RNF128: variants seen among roughly 807,000 people sequenced by gnomAD.
RNF128 encodes ring finger protein 128.
In RNF128, 13 loss-of-function variants were observed where a neutral mutation model predicts 26.2. The ratio of observed to expected loss-of-function variants is 0.50; its 90% CI spans 0.32 to 0.79. The LOEUF is 0.79. Ranked by LOEUF, RNF128 falls within the 30% of genes least tolerant of loss-of-function variation. RNF128 has a pLI of 0.03. For missense variants in RNF128, 315 were observed against 349.7 expected, an observed-to-expected ratio of 0.90 and a Z score of 0.79; for synonymous variants, 149 against 142.5, an observed-to-expected ratio of 1.05 and a Z score of -0.32.
chrX:106,718,097 T>C (rs1929248621), intron 1 of RNF128, among the ~76,000 whole-genome samples: 2 of 111,942 alleles, frequency 1.8e-5, no homozygotes, highest in South Asian at 3.7e-4. Flanking sequence ...TTTTATTCTG[T>C]TTTAAATCTA....
intron 4 of RNF128, among the ~76,000 whole-genome samples, chrX:106,788,325 T>TA: frequency 1.7e-5 from 1 of 57,954 alleles, no homozygotes; most frequent in African/African-American, 6.9e-5. Flanking sequence ...TGTATTAATA[T>TA]TATATATACT....
At position 106,715,452 on chromosome X, in the gene RNF128, G is replaced by A. The variant is rs138757839; in HGVS notation, c.406+21044G>A. Reference sequence around the variant, plus strand: ...ATTCAAATAATCAGTGGATAATATGGTTTTACAAAAGAAAGAAATGCTGTT... The same window carrying A: ...ATTCAAATAATCAGTGGATAATATGATTTTACAAAAGAAAGAAATGCTGTT... On this transcript the variant is annotated intron_variant, in intron 1 of 6. Coordinates refer to the RNF128 transcript ENST00000324342. Among the ~76,000 whole-genome samples the A allele has an allele frequency of 4.0e-3, 446 of 112,017 alleles. 4 individuals are homozygous for A. Among genetic ancestry groups the A allele is most frequent in the Middle Eastern group, 0.023 (5 of 218 alleles).
At chrX:106,703,203 A>G (rs1469341342) in intron 1 of RNF128, among the ~76,000 whole-genome samples, 1 of 111,828 alleles carries the variant, frequency 8.9e-6, no homozygotes, top group Admixed American at 9.5e-5. Flanking sequence ...TTATATTTTA[A>G]ATGACTGTCT....
At chrX:106,758,652 C>T (rs1217397579) in intron 1 of RNF128, among the ~76,000 whole-genome samples, 1 of 111,347 alleles carries the variant, frequency 9.0e-6, no homozygotes, top group Admixed American at 9.6e-5. Flanking sequence ...AGCTTATTTT[C>T]AACAAAGTGC....
intron 1 of RNF128, among the ~76,000 whole-genome samples, chrX:106,734,903 C>T (rs1929566317): frequency 8.9e-6 from 1 of 112,010 alleles, no homozygotes; most frequent in Admixed American, 9.4e-5. Context: ...TGATCCTCAG[C>T]TACATACCGT....
chrX:106,769,785 T>C (rs1930336487), intron 1 of RNF128, among the ~76,000 whole-genome samples: 1 of 110,817 alleles, frequency 9.0e-6, no homozygotes, highest in East Asian at 2.8e-4. Flanking sequence ...AATTTGATCC[T>C]GTCATTATGA....
intron 5 of RNF128, 26 bp downstream of exon 5, chrX:106,790,308 G>A: frequency 1.0e-6 from 1 of 1,000,198 alleles, no homozygotes; most frequent in Non-Finnish European, 1.4e-6. Flanking sequence ...TTATTTATAT[G>A]AAGAATATAT....
exon 1 of RNF128, chrX:106,694,019 G>A (rs771489954): frequency 8.4e-7 from 1 of 1,197,173 alleles, no homozygotes; most frequent in East Asian, 3.0e-5. Flanking sequence ...CAGGAGAATA[G>A]GTCCAGTTTT....
intron 4 of RNF128, among the ~76,000 whole-genome samples, chrX:106,789,211 C>T (rs1428547548): frequency 1.1e-5 from 1 of 91,771 alleles, no homozygotes; most frequent in Non-Finnish European, 2.1e-5. Flanking sequence ...ATATATAATA[C>T]ATATATATAA....
intron 1 of RNF128, among the ~76,000 whole-genome samples, chrX:106,767,638 T>C (rs940766290): frequency 8.9e-6 from 1 of 111,762 alleles, no homozygotes; most frequent in Non-Finnish European, 1.9e-5. Flanking sequence ...GTTTTCTAGA[T>C]ATATAATCAT....
chrX:106,707,637 A>G (rs1237401571), intron 1 of RNF128, among the ~76,000 whole-genome samples: 4 of 110,613 alleles, frequency 3.6e-5, no homozygotes. Context: ...GGGGCCAGTC[A>G]CCTGTGTGAT....
At chrX:106,781,443 G>A (rs1237266387) in intron 2 of RNF128, among the ~76,000 whole-genome samples, 3 of 111,445 alleles carry the variant, frequency 2.7e-5, no homozygotes, top group Non-Finnish European at 5.7e-5. Flanking sequence ...GTTCAAACAC[G>A]TGTTGAATAT....
intron 1 of RNF128, among the ~76,000 whole-genome samples, chrX:106,717,781 T>C (rs1929243663): frequency 8.9e-6 from 1 of 112,352 alleles, no homozygotes; most frequent in East Asian, 2.8e-4. Context: ...ATACTTAATG[T>C]AAAGATTAAG....
intron 2 of RNF128, among the ~76,000 whole-genome samples, chrX:106,779,253 T>G (rs1930522111): frequency 9.0e-6 from 1 of 110,887 alleles, no homozygotes; most frequent in Non-Finnish European, 1.9e-5. Context: ...CAAATAAAAT[T>G]TGTATATATT....
intron 1 of RNF128, among the ~76,000 whole-genome samples, chrX:106,707,929 C>T (rs754513784): frequency 9.0e-6 from 1 of 111,474 alleles, no homozygotes. Flanking sequence ...ACAACACTGA[C>T]GGAGATCCAG....
At chrX:106,755,762 G>A (rs994863841) in intron 1 of RNF128, among the ~76,000 whole-genome samples, 2 of 111,060 alleles carry the variant, frequency 1.8e-5, no homozygotes, top group African/African-American at 6.6e-5. Flanking sequence ...AGGAAATAAA[G>A]GGTATTCAAT....
upstream of RNF128, chrX:106,726,692 G>C: frequency 9.8e-7 from 1 of 1,017,314 alleles, no homozygotes; most frequent in Non-Finnish European, 1.2e-6. Context: ...AGAGCCCGAC[G>C]CGGCAGCCGC....
intron 6 of RNF128, among the ~76,000 whole-genome samples, chrX:106,794,811 G>T (rs185107470): frequency 5.9e-4 from 65 of 110,801 alleles, no homozygotes; most frequent in Non-Finnish European, 1.3e-4. Context: ...CACACTACAG[G>T]GTTCATTCTA....
chrX:106,791,137 C>T lies in RNF128; in HGVS notation c.1056C>T (p.Ser352=), dbSNP rs1435254192. The T allele has an allele frequency of 1.7e-6, 2 of 1,204,325 alleles. No individual in the cohort carries two copies. The highest frequency in any genetic ancestry group is 1.8e-5 in the African/African-American group (1 of 56,780). The change falls in exon 6 of 7, where the codon TCC becomes TCT. Residue 352 remains serine, a synonymous_variant. Transcript: ENST00000255499. ...VSNEISNSAS[S]HEEDNRSETA... ...ATGAAATATCTAATAGTGCCTCCTCCCATGAAGAGGATAATCGCAGCGAGA... is the reference window on the plus strand; with the variant it reads ...ATGAAATATCTAATAGTGCCTCCTCTCATGAAGAGGATAATCGCAGCGAGA...
Sources: allele counts gnomAD v4.1 joint callset (sites outside exome capture counted in the v4.1 genomes callset), GRCh38; gene constraint gnomAD v4.1.1; transcripts MANE v1.5; gene names NCBI Gene and HGNC (gene_info 2026-07-23, HGNC 2026-07-21).